Variants in ATRNL1 observed in about 807,000 individuals in gnomAD.
ATRNL1 encodes the protein attractin-like protein 1.
A neutral mutation model predicts 182.7 loss-of-function variants in ATRNL1; 95 were observed. The ratio of observed to expected loss-of-function variants is 0.52; its 90% confidence interval spans 0.44 to 0.62. The LOEUF (loss-of-function observed/expected upper bound fraction) is 0.62. Among genes scored for constraint, ATRNL1 ranks in the 20% least tolerant of loss-of-function variants. ATRNL1 has a pLI of 0.00. For synonymous variants in ATRNL1, 576 were observed against 568.3 expected, an observed-to-expected ratio of 1.01 and a Z score of -0.19; for missense variants, 1,471 against 1,679.5, an observed-to-expected ratio of 0.88 and a Z score of 2.17.
chr10:115,706,416 A>C (rs529886220), intron 26 of ATRNL1, among the ~76,000 whole-genome samples: 107 of 152,008 alleles, frequency 7.0e-4, no homozygotes, highest in African/African-American at 2.5e-3. Context: ...ACATCTGCAA[A>C]GTCTCTTTTG....
At chr10:115,764,855 G>A (rs1273927779) in intron 27 of ATRNL1, among the ~76,000 whole-genome samples, 1 of 152,066 alleles carries the variant, frequency 6.6e-6, no homozygotes, top group Non-Finnish European at 1.5e-5. Flanking sequence ...TTTATTTTTA[G>A]TAGAGACGGG....
intron 26 of ATRNL1, among the ~76,000 whole-genome samples, chr10:115,657,681 C>G (rs1202644356): frequency 6.6e-6 from 1 of 152,124 alleles, no homozygotes; most frequent in East Asian, 1.9e-4. Context: ...GCCAGCCCAG[C>G]TGTTTCCCCA....
intron 8 of ATRNL1, among the ~76,000 whole-genome samples, chr10:115,181,359 G>T (rs1554887795): frequency 6.6e-6 from 1 of 151,678 alleles, no homozygotes; most frequent in African/African-American, 2.4e-5. Flanking sequence ...TTCCATCAAG[G>T]TCTATTGGAC....
intron 26 of ATRNL1, among the ~76,000 whole-genome samples, chr10:115,599,038 T>C (rs535399561): frequency 3.3e-5 from 5 of 152,336 alleles, no homozygotes; most frequent in Admixed American, 1.3e-4. Flanking sequence ...TGGAAAATGT[T>C]GATTCACTGA....
At chr10:115,135,932 T>TC (rs1307218361) in intron 5 of ATRNL1, among the ~76,000 whole-genome samples, 1 of 79,568 alleles carries the variant, frequency 1.3e-5, no homozygotes, top group African/African-American at 4.2e-5. Context: ...TGATCGCAGC[T>TC]CTTGCAGCGT....
At chr10:115,514,683 C>T (rs746240746) in intron 24 of ATRNL1, among the ~76,000 whole-genome samples, 1 of 151,734 alleles carries the variant, frequency 6.6e-6, no homozygotes, top group Non-Finnish European at 1.5e-5. Context: ...ACTTATACAC[C>T]ATTTAAATTA....
chr10:115,753,936 G>A (rs1271686874), intron 27 of ATRNL1, among the ~76,000 whole-genome samples: 1 of 152,152 alleles, frequency 6.6e-6, no homozygotes. Flanking sequence ...GTGATGATGA[G>A]CATTTTTTCA....
At chr10:115,415,006 C>T (rs1448414756) in intron 20 of ATRNL1, among the ~76,000 whole-genome samples, 4 of 151,858 alleles carry the variant, frequency 2.6e-5, no homozygotes, top group African/African-American at 9.7e-5. Flanking sequence ...TGAATAAACT[C>T]GTATGTATGT....
chr10:115,388,296 G>A (rs529208904), intron 19 of ATRNL1, among the ~76,000 whole-genome samples: 1 of 152,108 alleles, frequency 6.6e-6, no homozygotes, highest in South Asian at 2.1e-4. Context: ...ATTTTGCTTT[G>A]TAAACATAGT....
chr10:115,747,956 G>A (rs1354747959), intron 27 of ATRNL1, among the ~76,000 whole-genome samples: 6 of 151,914 alleles, frequency 3.9e-5, no homozygotes, highest in African/African-American at 1.5e-4. Context: ...TTGAGAGTCT[G>A]GCTCTTATAA....
chr10:115,423,085 T>C (rs1482722652), intron 20 of ATRNL1, among the ~76,000 whole-genome samples: 1 of 151,826 alleles, frequency 6.6e-6, no homozygotes, highest in Non-Finnish European at 1.5e-5. Context: ...AATAAAACAG[T>C]GTAATTGGAA....
chr10:115,549,781 T>C (rs916084693), intron 26 of ATRNL1, among the ~76,000 whole-genome samples: 1 of 152,024 alleles, frequency 6.6e-6, no homozygotes, highest in African/African-American at 2.4e-5. Context: ...TTGGAATTTA[T>C]AGTGAATACA....
intron 19 of ATRNL1, among the ~76,000 whole-genome samples, chr10:115,380,858 G>A (rs1554950864): frequency 6.6e-6 from 1 of 152,082 alleles, no homozygotes; most frequent in East Asian, 1.9e-4. Flanking sequence ...TTCCGTGTAT[G>A]TTTTATTGTG....
intron 26 of ATRNL1, among the ~76,000 whole-genome samples, chr10:115,686,245 A>C (rs548167788): frequency 6.6e-6 from 1 of 151,974 alleles, no homozygotes; most frequent in East Asian, 1.9e-4. Context: ...CCATGTTTGA[A>C]TGGTTGAAGA....
chr10:115,360,295 G>A (rs182537465), intron 19 of ATRNL1, among the ~76,000 whole-genome samples: 6 of 150,934 alleles, frequency 4.0e-5, no homozygotes, highest in Admixed American at 3.3e-4. Context: ...GAAATGTTTA[G>A]TATTTATAAA....
chr10:115,529,895 T>G (rs527381527), intron 25 of ATRNL1, among the ~76,000 whole-genome samples: 47 of 152,234 alleles, frequency 3.1e-4, no homozygotes, highest in African/African-American at 9.1e-4. Context: ...TCCCCCCTTT[T>G]ACATACCCCT....
intron 26 of ATRNL1, among the ~76,000 whole-genome samples, chr10:115,723,039 T>A (rs979030825): frequency 1.3e-5 from 2 of 152,232 alleles, no homozygotes; most frequent in African/African-American, 4.8e-5. Context: ...TCATTGTTCA[T>A]TCATAAAACA....
intron 19 of ATRNL1, among the ~76,000 whole-genome samples, chr10:115,335,882 G>A (rs557404731): frequency 3.4e-4 from 52 of 152,290 alleles, no homozygotes; most frequent in African/African-American, 1.2e-3. Flanking sequence ...TGAGTTCACA[G>A]ATGTGGAACC....
chr10:115,175,885 A>G (rs939188983), intron 8 of ATRNL1, among the ~76,000 whole-genome samples: 4 of 152,154 alleles, frequency 2.6e-5, no homozygotes, highest in Non-Finnish European at 5.9e-5. Context: ...AATTCACCAC[A>G]CTGTCTTCCA....
Sources: allele counts gnomAD v4.1 joint callset (sites outside exome capture counted in the v4.1 genomes callset), GRCh38; gene constraint gnomAD v4.1.1; transcripts MANE v1.5; gene names NCBI Gene and HGNC (gene_info 2026-07-23, HGNC 2026-07-21).